CCBE1: variants seen among roughly 807,000 people sequenced by gnomAD.
CCBE1 encodes the protein collagen and calcium binding EGF domains 1, also known as collagen and calcium-binding EGF domain-containing protein 1.
In CCBE1, 37 loss-of-function variants were observed where a neutral mutation model predicts 50.0. The observed-to-expected ratio is 0.74, with a 90% CI of 0.57 to 0.97. The LOEUF is 0.97. CCBE1 is among the 50% of genes least tolerant of loss of function. The pLI is 0.00. For synonymous variants in CCBE1, 234 were observed against 203.7 expected (o/e 1.15, Z -1.27); for missense variants, 538 against 523.8 (o/e 1.03, Z -0.26).
chr18:59,652,483 T>TA (rs2054138816), intron 2 of CCBE1, among the ~76,000 whole-genome samples: 1 of 150,530 alleles, frequency 6.6e-6, no homozygotes, highest in Admixed American at 6.6e-5. Context: ...CTCCCCCCCT[T>TA]TTTTTTTAAT....
chr18:59,589,483 T>C lies in CCBE1; in HGVS notation c.212+107146A>G, dbSNP rs145031993. Among the ~76,000 whole-genome samples the C allele has an allele frequency of 5.9e-5, 9 of 152,092 alleles. No individual in the cohort carries two copies. The East Asian group carries it at 1.7e-3, about 29-fold the overall frequency. ...AAAACTCCAAAAGACAATAACAGAA[T>C]ACAATCTCATTAAAAATGTTACACA... On this transcript the variant is annotated intron_variant, in intron 2 of 10. Transcript: ENST00000439986.
At chr18:59,607,994 T>TG (rs2053522599) in intron 2 of CCBE1, among the ~76,000 whole-genome samples, 1 of 136,892 alleles carries the variant, frequency 7.3e-6, no homozygotes, top group Non-Finnish European at 1.6e-5. Flanking sequence ...GAGAATCTCT[T>TG]GAATCCAGGA....
intron 2 of CCBE1, among the ~76,000 whole-genome samples, chr18:59,545,590 A>T (rs1001588496): frequency 6.6e-6 from 1 of 152,172 alleles, no homozygotes; most frequent in African/African-American, 2.4e-5. Flanking sequence ...AGTTTATTGC[A>T]ATTACAAATA....
chr18:59,599,546 A>G (rs1003919030), intron 2 of CCBE1, among the ~76,000 whole-genome samples: 1 of 152,156 alleles, frequency 6.6e-6, no homozygotes, highest in African/African-American at 2.4e-5. Flanking sequence ...TGGCTCACTC[A>G]TATAGTCACA....
intron 2 of CCBE1, among the ~76,000 whole-genome samples, chr18:59,606,204 A>C (rs927284794): frequency 3.3e-5 from 5 of 152,206 alleles, no homozygotes; most frequent in African/African-American, 1.2e-4. Context: ...TATGTTTTGC[A>C]TACTCCATGA....
At chr18:59,668,819 C>CT (rs34632549) in intron 2 of CCBE1, among the ~76,000 whole-genome samples, 3,258 of 99,086 alleles carry the variant, frequency 0.033, 188 homozygotes, top group African/African-American at 0.087. Flanking sequence ...TTCCATAAGT[C>CT]TTTTTTTTTT....
intron 2 of CCBE1, among the ~76,000 whole-genome samples, chr18:59,523,514 A>ACAGTGTCTGGCTCACAGCAGTGAGC (rs1914693964): frequency 6.6e-6 from 1 of 152,148 alleles, no homozygotes; most frequent in Non-Finnish European, 1.5e-5. Flanking sequence ...AAGATGCTTA[A>ACAGTGTCTGGCTCACAGCAGTGAGC]CAGTGTCTGG....
chr18:59,452,114 T>C lies in CCBE1; in HGVS notation c.654+2737A>G, dbSNP rs77071581. On this transcript the variant is annotated intron_variant, in intron 6 of 10. Coordinates refer to ENST00000439986, the MANE Select transcript of CCBE1 (RefSeq NM_133459.4). ...GGCATTTGACCTGTCGTGTTTCCCATGGTTGGAATGTTGCCGACTGGATGT... is the reference window on the plus strand; with the variant it reads ...GGCATTTGACCTGTCGTGTTTCCCACGGTTGGAATGTTGCCGACTGGATGT... Among the ~76,000 whole-genome samples the C allele has an allele frequency of 0.011, 1,750 of 152,328 alleles. 124 individuals are homozygous for C. In the East Asian group the frequency reaches 0.21, roughly 18 times the overall value.
At chr18:59,670,207 A>T (rs2054413385) in intron 2 of CCBE1, among the ~76,000 whole-genome samples, 1 of 152,138 alleles carries the variant, frequency 6.6e-6, no homozygotes, top group Non-Finnish European at 1.5e-5. Context: ...TCTGAGTGAA[A>T]ATTATAATAA....
chr18:59,610,928 C>G (rs995734055), intron 2 of CCBE1, among the ~76,000 whole-genome samples: 2 of 152,256 alleles, frequency 1.3e-5, no homozygotes, highest in African/African-American at 4.8e-5. Context: ...CACAACACCT[C>G]TATTATGCAT....
chr18:59,644,771 C>T (rs536970623), intron 2 of CCBE1, among the ~76,000 whole-genome samples: 3 of 152,290 alleles, frequency 2.0e-5, no homozygotes, highest in South Asian at 2.1e-4. Context: ...TGGACAGAAA[C>T]TCTACCCACA....
rs1375840588 is a variant in CCBE1, at chr18:59,482,883, C to T, written c.213-2645G>A. On this transcript the variant is annotated intron_variant, in intron 2 of 10. Coordinates refer to ENST00000439986, the MANE Select transcript of CCBE1 (RefSeq NM_133459.4). ...ATTTTGACTATAAAGGTTAAATTAC[C>T]GTTTTTAAGAAGTATTTTTTTTTGT... Among the ~76,000 whole-genome samples, 6 of 151,664 alleles carry T rather than the reference C, an allele frequency of 4.0e-5. 1 individual carries two copies. Among genetic ancestry groups the T allele is most frequent in the Non-Finnish European group, 5.9e-5 (4 of 67,890 alleles).
chr18:59,561,689 G>A (rs768097158), intron 2 of CCBE1, among the ~76,000 whole-genome samples: 5 of 152,198 alleles, frequency 3.3e-5, no homozygotes, highest in South Asian at 2.1e-4. Flanking sequence ...GAGTAAGAGA[G>A]TGGAATGGAA....
At chr18:59,507,101 A>T (rs1182410449) in intron 2 of CCBE1, among the ~76,000 whole-genome samples, 5 of 152,188 alleles carry the variant, frequency 3.3e-5, no homozygotes, top group African/African-American at 1.2e-4. Context: ...TGACCCCTGG[A>T]AATATTCACC....
rs1386749429 is a variant in CCBE1 at position 59,432,568 on chromosome 18, A to C, written c.*3340T>G. On this transcript the variant is annotated 3_prime_UTR_variant, in exon 11 of 11. Transcript: ENST00000439986. ...ATGCCTTATGATGTCCTATCTTTGA[A>C]AAATATGATTTGGGCATAAAAAGTA... The C allele has an allele frequency of 2.0e-5, 3 of 152,322 alleles. No individual in the cohort carries two copies. In the East Asian group the frequency reaches 5.8e-4, roughly 29 times the overall value. 9.4% of individuals were successfully genotyped at this position (152,322 alleles called of 1,614,324 possible).
Position 59,536,222 on chromosome 18 carries a change from G to A in CCBE1, c.213-55984C>T, listed in dbSNP as rs545854576. Among the ~76,000 whole-genome samples, 6 of 152,222 alleles carry A rather than the reference G, an allele frequency of 3.9e-5. No individual in the cohort carries two copies. In the East Asian group the frequency reaches 1.2e-3, roughly 29 times the overall value. On this transcript the variant is annotated intron_variant, in intron 2 of 10. Transcript: ENST00000439986. ...ATCAAATCGATCTTTATGAGCTTCC[G>A]TCTTCTCATCTGGTGTGCAAGAGTC...
At chr18:59,589,145 G>A (rs559262395) in intron 2 of CCBE1, among the ~76,000 whole-genome samples, 28 of 152,290 alleles carry the variant, frequency 1.8e-4, no homozygotes, top group African/African-American at 6.3e-4. Context: ...GAAAGGGAGA[G>A]TGAATCTCTT....
intron 2 of CCBE1, among the ~76,000 whole-genome samples, chr18:59,586,783 C>T (rs1016622753): frequency 4.6e-5 from 7 of 152,144 alleles, no homozygotes; most frequent in African/African-American, 1.7e-4. Flanking sequence ...AAGATGATTT[C>T]ACATAAAAAT....
chr18:59,555,178 CTT>C (rs762301015), intron 2 of CCBE1, among the ~76,000 whole-genome samples: 4 of 152,150 alleles, frequency 2.6e-5, no homozygotes, highest in Non-Finnish European at 5.9e-5. Context: ...ATTTGGAACA[CTT>C]TTTTCTTGAA....
Sources: allele counts gnomAD v4.1 joint callset (sites outside exome capture counted in the v4.1 genomes callset), GRCh38; gene constraint gnomAD v4.1.1; transcripts MANE v1.5; gene names NCBI Gene and HGNC (gene_info 2026-07-23, HGNC 2026-07-21).